NECTIN3: variants seen among roughly 807,000 people sequenced by gnomAD.
NECTIN3 encodes the protein nectin-3.
Under a neutral mutation model 49.4 loss-of-function variants are expected in NECTIN3, and 8 were observed. That is an observed-to-expected ratio of 0.16 (90% CI 0.10 to 0.29). The LOEUF is 0.29. Ranked by LOEUF, NECTIN3 falls within the 10% of genes least tolerant of loss-of-function variation. NECTIN3 has a pLI of 1.00. For synonymous variants in NECTIN3, 277 were observed against 241.1 expected, an observed-to-expected ratio of 1.15 and a Z score of -1.38; for missense variants, 581 against 654.6, an observed-to-expected ratio of 0.89 and a Z score of 1.23.
chr3:111,143,501 A>G (rs1002220377), intron 5 of NECTIN3, among the ~76,000 whole-genome samples: 1 of 151,952 alleles, frequency 6.6e-6, no homozygotes, highest in African/African-American at 2.4e-5. Flanking sequence ...TTGGCAATCT[A>G]AACTATGTTA....
chr3:111,147,056 G>C (rs1372069187), intron 6 of NECTIN3, among the ~76,000 whole-genome samples: 2 of 152,132 alleles, frequency 1.3e-5, no homozygotes, highest in African/African-American at 4.8e-5. Flanking sequence ...TTGGAGGAAA[G>C]TGTATTGAGA....
chr3:111,167,110 C>T (rs940033737), intron 7 of NECTIN3, among the ~76,000 whole-genome samples: 1 of 152,146 alleles, frequency 6.6e-6, no homozygotes, highest in Non-Finnish European at 1.5e-5. Context: ...GTGACTTTTG[C>T]ATTTTGTAGC....
chr3:111,190,143 G>T (rs1576190268), upstream of NECTIN3, among the ~76,000 whole-genome samples: 2 of 152,172 alleles, frequency 1.3e-5, no homozygotes, highest in Non-Finnish European at 2.9e-5. Flanking sequence ...AGTATTAAAA[G>T]CATTAAACCC....
chr3:111,121,066 G>A (rs1453300508), intron 3 of NECTIN3, among the ~76,000 whole-genome samples: 4 of 146,070 alleles, frequency 2.7e-5, no homozygotes, highest in Non-Finnish European at 3.0e-5. Context: ...GCAGTGGCGC[G>A]AACTAGGCTC....
At chr3:111,090,821 G>A (rs1055900074) in intron 1 of NECTIN3, among the ~76,000 whole-genome samples, 3 of 914 alleles carry the variant, frequency 3.3e-3, no homozygotes, top group Non-Finnish European at 2.6e-3. Flanking sequence ...TTTTTAAATA[G>A]GTTGGTGAAA....
At chr3:111,100,829 A>T (rs1008844409) in intron 1 of NECTIN3, among the ~76,000 whole-genome samples, 8 of 151,384 alleles carry the variant, frequency 5.3e-5, no homozygotes, top group African/African-American at 1.7e-4. Flanking sequence ...AATTGTTATG[A>T]AAACTCTGTC....
intron 5 of NECTIN3, among the ~76,000 whole-genome samples, chr3:111,130,440 C>T (rs974363807): frequency 1.3e-5 from 2 of 151,886 alleles, no homozygotes; most frequent in Non-Finnish European, 2.9e-5. Flanking sequence ...TAGGCTTTTA[C>T]AAGAGTGAGA....
chr3:111,079,120 A>C (rs1225107911), intron 1 of NECTIN3, among the ~76,000 whole-genome samples: 2 of 152,078 alleles, frequency 1.3e-5, no homozygotes, highest in Non-Finnish European at 2.9e-5. Flanking sequence ...ATATTAATGA[A>C]ATGCTAGTAT....
intron 3 of NECTIN3, among the ~76,000 whole-genome samples, chr3:111,121,169 AT>A (rs559875982): frequency 3.5e-3 from 484 of 137,502 alleles, no homozygotes; most frequent in Middle Eastern, 7.5e-3. Flanking sequence ...CGCCTGGCTA[AT>A]TTTTTTTTTT....
chr3:111,082,769 A>G (rs923291929), intron 1 of NECTIN3, among the ~76,000 whole-genome samples: 1 of 152,198 alleles, frequency 6.6e-6, no homozygotes, highest in African/African-American at 2.4e-5. Flanking sequence ...ATTAGATTGT[A>G]ATATATAATG....
In NECTIN3 at chr3:111,134,541, G is replaced by A. The variant is rs1022102919; in HGVS notation, c.*326G>A. 12 of 980,540 alleles carry A rather than the reference G, an allele frequency of 1.2e-5. No individual in the cohort carries two copies. The highest frequency in any genetic ancestry group is 1.7e-5 in the African/African-American group (1 of 57,154). The allele number at this position is 980,540 out of a possible 1,614,324, so 60.7% of individuals were successfully genotyped here. A position where few individuals can be genotyped will look rare whatever the true frequency, so the allele number is the denominator to read the frequency against. ...TTGGTACAAAAATTTTTTAAAAAGG[G>A]AACTACCTTGACATTGTGTATTAAA... On this transcript the variant is annotated 3_prime_UTR_variant, in exon 6 of 6. Coordinates refer to ENST00000485303, the MANE Select transcript of NECTIN3 (RefSeq NM_015480.3).
In NECTIN3 at chr3:111,145,038, G is replaced by GT; in HGVS notation, c.1139+2dup. 3 of 1,535,948 alleles carry GT rather than the reference G, an allele frequency of 2.0e-6. No homozygotes were observed. The South Asian group carries it at 3.6e-5, about 18-fold the overall frequency. Reference sequence around the variant, plus strand: ...AAAGACCATCCTATCTTGACAAAGTGTAGGTAACTTTTTTGCCTTTGTTCA... The same window carrying GT: ...AAAGACCATCCTATCTTGACAAAGTGTTAGGTAACTTTTTTGCCTTTGTTCA... On this transcript the variant is annotated splice_donor_variant, in intron 6 of 8. Coordinates refer to the NECTIN3 transcript ENST00000493615. LOFTEE classifies it high-confidence loss of function.
At chr3:111,176,810 C>T (rs1002037891) in intron 7 of NECTIN3, among the ~76,000 whole-genome samples, 5 of 151,786 alleles carry the variant, frequency 3.3e-5, no homozygotes, top group African/African-American at 9.7e-5. Context: ...TGGATAGAGA[C>T]CCTTTTGTAT....
intron 5 of NECTIN3, among the ~76,000 whole-genome samples, chr3:111,144,702 G>A (rs1217637989): frequency 6.6e-6 from 1 of 151,890 alleles, no homozygotes; most frequent in Admixed American, 6.6e-5. Context: ...TTAAGCTGAG[G>A]TATTAAAGTA....
chr3:111,116,738 T>C (rs755677269), intron 2 of NECTIN3, among the ~76,000 whole-genome samples: 1 of 152,054 alleles, frequency 6.6e-6, no homozygotes, highest in African/African-American at 2.4e-5. Flanking sequence ...CATAAACATA[T>C]GAAAAGATCT....
chr3:111,082,500 A>C (rs910435831), intron 1 of NECTIN3, among the ~76,000 whole-genome samples: 4 of 152,116 alleles, frequency 2.6e-5, no homozygotes, highest in African/African-American at 9.7e-5. Context: ...GAGAGAAGAA[A>C]AATGTTCAAG....
In NECTIN3 at chr3:111,071,997, G is replaced by C. The variant is rs746740729; in HGVS notation, c.-21G>C. 1 of 1,442,662 alleles carries C rather than the reference G, an allele frequency of 6.9e-7. No individual in the cohort carries two copies. Among genetic ancestry groups the C allele is most frequent in the African/African-American group, 1.5e-5 (1 of 67,170 alleles). 89.4% of individuals were successfully genotyped at this position (1,442,662 alleles called of 1,614,324 possible). ...GGAGCCGGGGGGCGGGCGGGCGAGCGGGCCGGGGGGAGGGTGGGGGATGGC... is the reference window on the plus strand; with the variant it reads ...GGAGCCGGGGGGCGGGCGGGCGAGCCGGCCGGGGGGAGGGTGGGGGATGGC... On this transcript the variant is annotated 5_prime_UTR_variant, in exon 1 of 6. Transcript: ENST00000485303.
intron 2 of NECTIN3, among the ~76,000 whole-genome samples, chr3:111,118,260 ATATATATATATATATATATATATT>A (rs2033783056): frequency 8.0e-6 from 1 of 125,232 alleles, no homozygotes; most frequent in Middle Eastern, 4.2e-3. Flanking sequence ...ATATATATAT[ATATATATATATATATATATATATT>A]ATACATATAT....
intron 1 of NECTIN3, 50 bp downstream of exon 1, chr3:111,072,227 G>A: frequency 6.6e-7 from 1 of 1,504,312 alleles, no homozygotes; most frequent in Non-Finnish European, 8.8e-7. Flanking sequence ...GCCACTGAGG[G>A]TGCGGGCGCC....
Sources: allele counts gnomAD v4.1 joint callset (sites outside exome capture counted in the v4.1 genomes callset), GRCh38; gene constraint gnomAD v4.1.1; transcripts MANE v1.5; gene names NCBI Gene and HGNC (gene_info 2026-07-23, HGNC 2026-07-21).